The following TM2D1 variants were observed in gnomAD, a reference collection of about 807,000 sequenced individuals.
TM2D1 encodes TM2 domain containing 1, also known as TM2 domain-containing protein 1.
TM2D1 carries 15 observed loss-of-function variants against 28.4 expected under a neutral mutation model. The ratio of observed to expected loss-of-function variants is 0.53; its 90% confidence interval spans 0.35 to 0.81. TM2D1 has a LOEUF of 0.81. TM2D1 is among the 40% of genes least tolerant of loss of function. TM2D1 has a pLI of 0.01. For missense variants in TM2D1, 236 were observed against 254.9 expected, an observed-to-expected ratio of 0.93 and a Z score of 0.50; for synonymous variants, 93 against 96.2, an observed-to-expected ratio of 0.97 and a Z score of 0.20.
chr1:61,702,328 A>AAT (rs1410565657), intron 3 of TM2D1, among the ~76,000 whole-genome samples: 1 of 151,784 alleles, frequency 6.6e-6, no homozygotes, highest in Non-Finnish European at 1.5e-5. Flanking sequence ...TTATATATAT[A>AAT]ATATATATAA....
intron 2 of TM2D1, among the ~76,000 whole-genome samples, chr1:61,713,829 A>G (rs1050133005): frequency 1.3e-5 from 2 of 151,550 alleles, no homozygotes; most frequent in Admixed American, 6.6e-5. Flanking sequence ...ACAGAAATGC[A>G]CTGTTTTTTT....
intron 3 of TM2D1, among the ~76,000 whole-genome samples, chr1:61,705,109 T>C (rs1482616166): frequency 6.6e-6 from 1 of 152,124 alleles, no homozygotes; most frequent in African/African-American, 2.4e-5. Context: ...GGAAGGGAAA[T>C]GAAATTAGAA....
intron 4 of TM2D1, chr1:61,700,344 G>T: frequency 7.4e-7 from 1 of 1,358,480 alleles, no homozygotes; most frequent in Non-Finnish European, 9.5e-7. Flanking sequence ...GCAGGCATGT[G>T]AAAGTACTGT....
intron 5 of TM2D1, 179 bp downstream of exon 5, chr1:61,694,517 AG>A (rs1442272838): frequency 2.3e-6 from 1 of 440,480 alleles, no homozygotes; most frequent in Non-Finnish European, 4.1e-6. Context: ...GGTAGAGCAC[AG>A]TTTGAGAAAT....
intron 5 of TM2D1, among the ~76,000 whole-genome samples, chr1:61,691,932 A>ATATATATATATATATATATATATATAT: frequency 1.3e-5 from 1 of 76,402 alleles, no homozygotes; most frequent in East Asian, 4.7e-4. Flanking sequence ...AAAAAAAAAA[A>ATATATATATATATATATATATATATAT]ATATATATAT....
intron 5 of TM2D1, among the ~76,000 whole-genome samples, chr1:61,691,193 TG>T (rs1215206885): frequency 2.2e-4 from 34 of 152,252 alleles, no homozygotes; most frequent in Non-Finnish European, 8.8e-5. Context: ...TCAGTGATTT[TG>T]GTATAATTAA....
At chr1:61,714,249 C>A (rs1342378959) in intron 2 of TM2D1, among the ~76,000 whole-genome samples, 1 of 148,704 alleles carries the variant, frequency 6.7e-6, no homozygotes, top group Non-Finnish European at 1.5e-5. Flanking sequence ...ATATTAAAAA[C>A]TAAAGAGCCC....
At chr1:61,722,155 G>T (rs12753030) in intron 2 of TM2D1, among the ~76,000 whole-genome samples, 1 of 151,664 alleles carries the variant, frequency 6.6e-6, no homozygotes. Context: ...GCGTGGTGAC[G>T]CACACCTGTA....
intron 4 of TM2D1, among the ~76,000 whole-genome samples, chr1:61,697,070 T>A (rs1271000151): frequency 6.6e-6 from 1 of 152,188 alleles, no homozygotes; most frequent in African/African-American, 2.4e-5. Context: ...GCCCTTCCTG[T>A]CTGTGTTCAT....
At chr1:61,722,636 G>A (rs995280144) in intron 2 of TM2D1, among the ~76,000 whole-genome samples, 11 of 152,130 alleles carry the variant, frequency 7.2e-5, no homozygotes, top group Admixed American at 5.9e-4. Flanking sequence ...CAAAGTGCTC[G>A]GATTACAGGT....
At chr1:61,696,945 T>C (rs1434375894) in intron 4 of TM2D1, among the ~76,000 whole-genome samples, 1 of 151,834 alleles carries the variant, frequency 6.6e-6, no homozygotes, top group Non-Finnish European at 1.5e-5. Flanking sequence ...CTCATACCTC[T>C]CAGGAATGAA....
In TM2D1 at chr1:61,703,718, T is replaced by TTATATATA. The variant is rs56267637; in HGVS notation, c.348-2701_348-2694dup. On this transcript the variant is annotated intron_variant, in intron 3 of 6. Transcript: ENST00000606498. ...ATGAGCCACTGCACCTAGCCAATCT[T>TTATATATA]TATATATATATATATATATATATAT... Among the ~76,000 whole-genome samples the TTATATATA allele has an allele frequency of 5.9e-4, 58 of 99,086 alleles. 1 individual carries two copies. The highest frequency in any genetic ancestry group is 7.0e-3 in the Middle Eastern group (1 of 142). The allele number at this position is 99,086 out of a possible 152,430, so 65.0% of individuals were successfully genotyped here. A position where few individuals can be genotyped will look rare whatever the true frequency, so the allele number is the denominator to read the frequency against.
At chr1:61,710,425 CAA>C (rs1171048869) in intron 2 of TM2D1, among the ~76,000 whole-genome samples, 1,231 of 58,214 alleles carry the variant, frequency 0.021, 32 homozygotes, top group African/African-American at 0.073. Context: ...GACCCTGTCC[CAA>C]AAAAAAAAAA....
At chr1:61,721,075 C>CA (rs1268323209) in intron 2 of TM2D1, among the ~76,000 whole-genome samples, 2 of 151,498 alleles carry the variant, frequency 1.3e-5, no homozygotes, top group Non-Finnish European at 2.9e-5. Context: ...CAAAAAAATA[C>CA]AAAAAATTAG....
intron 2 of TM2D1, among the ~76,000 whole-genome samples, chr1:61,711,489 AAAAAT>A (rs904361019): frequency 1.3e-5 from 2 of 152,088 alleles, no homozygotes; most frequent in African/African-American, 4.8e-5. Context: ...CATCTCTACA[AAAAAT>A]AAAATAATTG....
intron 5 of TM2D1, among the ~76,000 whole-genome samples, chr1:61,693,267 G>A (rs898780303): frequency 1.3e-5 from 2 of 152,036 alleles, no homozygotes; most frequent in Non-Finnish European, 2.9e-5. Flanking sequence ...AAAAGTTCAG[G>A]TATAAATGAA....
chr1:61,724,029 T>C (rs1306486956), intron 1 of TM2D1, among the ~76,000 whole-genome samples: 3 of 152,146 alleles, frequency 2.0e-5, no homozygotes, highest in African/African-American at 7.2e-5. Context: ...GAGAAGTCTG[T>C]CTCTACAAAT....
At chr1:61,722,380 C>T (rs954833474) in intron 2 of TM2D1, among the ~76,000 whole-genome samples, 4 of 152,104 alleles carry the variant, frequency 2.6e-5, no homozygotes, top group South Asian at 2.1e-4. Flanking sequence ...AAACTTTTTC[C>T]GCCCCAGAGA....
chr1:61,683,209 T>C (rs1340892319), intron 6 of TM2D1: 3 of 237,352 alleles, frequency 1.3e-5, no homozygotes, highest in East Asian at 8.0e-5. Context: ...CCTTTAACCA[T>C]ATGCACTGCA....
Sources: gnomAD v4.1 joint callset for allele counts (sites outside exome capture counted in the v4.1 genomes callset) on GRCh38, gnomAD v4.1.1 for gene constraint, MANE v1.5 for transcripts, NCBI Gene and HGNC (gene_info 2026-07-23, HGNC 2026-07-21) for gene names.